MARCHF11: variants seen among roughly 807,000 people sequenced by gnomAD.
MARCHF11 encodes the protein E3 ubiquitin-protein ligase MARCHF11.
Under a neutral mutation model 37.3 loss-of-function variants are expected in MARCHF11, and 29 were observed. The observed-to-expected ratio is 0.78, with a 90% confidence interval of 0.58 to 1.06. The LOEUF (loss-of-function observed/expected upper bound fraction) is 1.06, where lower values mean the gene tolerates loss of function less well. Among genes scored for constraint, MARCHF11 ranks in the 50% least tolerant of loss-of-function variants. MARCHF11 has a pLI of 0.00. For synonymous variants in MARCHF11, 233 were observed against 228.0 expected (o/e 1.02, Z -0.20); for missense variants, 482 against 533.4 (o/e 0.90, Z 0.95).
At chr5:16,108,956 A>C (rs1463278762) in intron 2 of MARCHF11, among the ~76,000 whole-genome samples, 1 of 151,656 alleles carries the variant, frequency 6.6e-6, no homozygotes, top group Non-Finnish European at 1.5e-5. Context: ...AGATGGAAAA[A>C]CCTCGATGAG....
intron 2 of MARCHF11, among the ~76,000 whole-genome samples, chr5:16,176,915 A>G (rs1054836605): frequency 6.6e-5 from 10 of 152,094 alleles, no homozygotes; most frequent in Non-Finnish European, 1.2e-4. Flanking sequence ...ACTTCAGCCT[A>G]CCAGATAACA....
intron 2 of MARCHF11, among the ~76,000 whole-genome samples, chr5:16,115,390 C>T (rs142055289): frequency 6.6e-6 from 1 of 152,238 alleles, no homozygotes; most frequent in East Asian, 1.9e-4. Context: ...GATATCACAG[C>T]CTCATCAGTT....
At chr5:16,177,657 A>G in intron 2 of MARCHF11, 69 bp downstream of exon 2, 3 of 1,317,074 alleles carry the variant, frequency 2.3e-6, no homozygotes, top group Non-Finnish European at 3.0e-6. Flanking sequence ...ATCCTTAGTA[A>G]TAACTAAGCT....
chr5:16,082,985 C>A (rs1736638168), intron 3 of MARCHF11, among the ~76,000 whole-genome samples: 1 of 152,204 alleles, frequency 6.6e-6, no homozygotes, highest in Admixed American at 6.5e-5. Flanking sequence ...GCTCGGCTAT[C>A]CTCAGTGACC....
chr5:16,155,384 G>A (rs1737963788), intron 2 of MARCHF11, among the ~76,000 whole-genome samples: 1 of 151,072 alleles, frequency 6.6e-6, no homozygotes, highest in Non-Finnish European at 1.5e-5. Flanking sequence ...GTAAAAGAAG[G>A]GATTTTCCAT....
intron 2 of MARCHF11, among the ~76,000 whole-genome samples, chr5:16,163,969 G>A (rs1394522876): frequency 6.6e-6 from 1 of 152,006 alleles, no homozygotes; most frequent in African/African-American, 2.4e-5. Context: ...CACAGTGTCT[G>A]TCCCCTCCAG....
chr5:16,069,333 A>G (rs1736398828), intron 3 of MARCHF11, among the ~76,000 whole-genome samples: 1 of 152,162 alleles, frequency 6.6e-6, no homozygotes, highest in African/African-American at 2.4e-5. Context: ...GAGAATAATA[A>G]CCACTAAATT....
chr5:16,163,430 C>CT (rs1416596304), intron 2 of MARCHF11, among the ~76,000 whole-genome samples: 2 of 151,966 alleles, frequency 1.3e-5, no homozygotes, highest in African/African-American at 2.4e-5. Flanking sequence ...GAATCTTAGA[C>CT]TGTGCTAAAT....
intron 2 of MARCHF11, among the ~76,000 whole-genome samples, chr5:16,126,119 T>G (rs1047193726): frequency 6.6e-6 from 1 of 152,160 alleles, no homozygotes; most frequent in African/African-American, 2.4e-5. Flanking sequence ...CTGCTCACAA[T>G]TAAGTACTGT....
intron 3 of MARCHF11, among the ~76,000 whole-genome samples, chr5:16,083,619 C>G (rs188460382): frequency 3.8e-4 from 58 of 152,238 alleles, no homozygotes; most frequent in Admixed American, 1.3e-3. Flanking sequence ...ATTTCTTTCT[C>G]TTTCCTTACA....
At chr5:16,122,666 AC>A (rs975973503) in intron 2 of MARCHF11, among the ~76,000 whole-genome samples, 1 of 152,080 alleles carries the variant, frequency 6.6e-6, no homozygotes, top group African/African-American at 2.4e-5. Flanking sequence ...TCCTGTCCCA[AC>A]ACCACACGTG....
chr5:16,119,088 C>T (rs761460604), intron 2 of MARCHF11, among the ~76,000 whole-genome samples: 44 of 152,052 alleles, frequency 2.9e-4, no homozygotes, highest in Non-Finnish European at 4.1e-4. Flanking sequence ...AGTGACAGGG[C>T]GCAGTGGCTA....
intron 2 of MARCHF11, among the ~76,000 whole-genome samples, chr5:16,158,323 C>T (rs1738013036): frequency 6.6e-6 from 1 of 151,960 alleles, no homozygotes; most frequent in Admixed American, 6.6e-5. Flanking sequence ...TCTGCACTCC[C>T]ATAGTCATTG....
At chr5:16,109,586 G>A (rs913270032) in intron 2 of MARCHF11, among the ~76,000 whole-genome samples, 1 of 152,168 alleles carries the variant, frequency 6.6e-6, no homozygotes, top group African/African-American at 2.4e-5. Context: ...ATAGCAAAAG[G>A]GAAAACATAA....
chr5:16,095,490 G>A (rs927405560), intron 2 of MARCHF11, among the ~76,000 whole-genome samples: 3 of 136,054 alleles, frequency 2.2e-5, no homozygotes, highest in African/African-American at 7.7e-5. Context: ...GGAAGGGAGG[G>A]AGGGAGGGAG....
chr5:16,081,755 A>G (rs77041590), intron 3 of MARCHF11, among the ~76,000 whole-genome samples: 4,136 of 152,282 alleles, frequency 0.027, 173 homozygotes, highest in African/African-American at 0.094. Context: ...TGTTCTGCTA[A>G]TTATATTAAT....
intron 2 of MARCHF11, among the ~76,000 whole-genome samples, chr5:16,167,806 AC>A: frequency 6.6e-6 from 1 of 152,184 alleles, no homozygotes; most frequent in African/African-American, 2.4e-5. Context: ...TGCTTGTTTT[AC>A]CAACTCTGTA....
At chr5:16,146,413 T>C (rs1264893645) in intron 2 of MARCHF11, among the ~76,000 whole-genome samples, 1 of 152,172 alleles carries the variant, frequency 6.6e-6, no homozygotes, top group Admixed American at 6.6e-5. Flanking sequence ...TTCTTCCCTT[T>C]CCACGGATGG....
chr5:16,177,768 A>G lies in MARCHF11; in HGVS notation c.651T>C (p.Tyr217=), dbSNP rs778676559. The G allele has an allele frequency of 1.9e-6, 3 of 1,613,770 alleles. No homozygotes were observed. The highest frequency in any genetic ancestry group is 1.7e-5 in the Admixed American group (1 of 59,970). The change falls in exon 2 of 4, where the codon TAT becomes TAC. Residue 217 remains tyrosine, a synonymous_variant. Coordinates refer to ENST00000332432, the MANE Select transcript of MARCHF11 (RefSeq NM_001102562.3). ...RGSWTCELCC[Y]RYHVIAIKMK... is the part of the protein sequence containing the mutation. ...TTTTAATGGCTATAACATGGTATCT[A>G]TAACAGCAAAGTTCACAGGTCCAGG...
Sources: gnomAD v4.1 joint callset for allele counts (sites outside exome capture counted in the v4.1 genomes callset) on GRCh38, gnomAD v4.1.1 for gene constraint, MANE v1.5 for transcripts, NCBI Gene and HGNC (gene_info 2026-07-23, HGNC 2026-07-21) for gene names.